Variants in BTRC observed in about 807,000 individuals in gnomAD.
The protein encoded by BTRC is F-box/WD repeat-containing protein 1A.
Under a neutral mutation model 85.5 loss-of-function variants are expected in BTRC, and 42 were observed. The observed-to-expected ratio is 0.49, with a 90% CI of 0.38 to 0.64. The LOEUF (loss-of-function observed/expected upper bound fraction) is 0.64. Ranked by LOEUF, BTRC falls within the 30% of genes least tolerant of loss-of-function variation. BTRC has a pLI of 0.00. For missense variants in BTRC, 594 were observed against 743.5 expected, an observed-to-expected ratio of 0.80 and a Z score of 2.34; for synonymous variants, 255 against 263.3, an observed-to-expected ratio of 0.97 and a Z score of 0.30.
chr10:101,455,857 AATGG>A (rs1945061572), intron 2 of BTRC, among the ~76,000 whole-genome samples: 1 of 152,132 alleles, frequency 6.6e-6, no homozygotes, highest in Non-Finnish European at 1.5e-5. Flanking sequence ...TGATGATTCT[AATGG>A]CCGGGCATGG....
intron 2 of BTRC, among the ~76,000 whole-genome samples, chr10:101,453,772 T>C (rs1945007455): frequency 6.6e-6 from 1 of 152,246 alleles, no homozygotes; most frequent in Admixed American, 6.5e-5. Flanking sequence ...CTTTACTTCT[T>C]GAATTGGACA....
intron 5 of BTRC, among the ~76,000 whole-genome samples, chr10:101,524,360 A>G (rs2062160989): frequency 6.6e-6 from 1 of 152,176 alleles, no homozygotes; most frequent in Non-Finnish European, 1.5e-5. Flanking sequence ...AGCTTATACC[A>G]CTAAGAATTG....
chr10:101,534,653 A>T lies in BTRC; in HGVS notation c.1098-8A>T. The T allele has an allele frequency of 6.2e-7, 1 of 1,614,048 alleles. No individual in the cohort carries two copies. Among genetic ancestry groups the T allele is most frequent in the African/African-American group, 1.3e-5 (1 of 75,050 alleles). ...GAGTACCATCTAAATCTCATCTATC[A>T]CTTCCAGAGTGTGGGATGTAAATAC... On this transcript the variant is annotated splice_polypyrimidine_tract_variant and splice_region_variant and intron_variant, in intron 9 of 14. Transcript: ENST00000370187.
rs34480405 is a variant in BTRC at position 101,389,610 on chromosome 10, CTTTTTTTTTT to C, written c.48+35400_48+35409del. 1.9e-4 allele frequency among the ~76,000 whole-genome samples: 12 copies of C among 62,546 alleles called. 1 individual carries two copies. The highest frequency in any genetic ancestry group is 7.9e-4 in the African/African-American group (12 of 15,220). The allele number at this position is 62,546 out of a possible 152,430, so 41.0% of individuals were successfully genotyped here. ...GTTACACTGGCCTTTTGCCAAACAC[CTTTTTTTTTT>C]TTTTTTTTTTTTTTTTTGAGACAGG... On this transcript the variant is annotated intron_variant, in intron 1 of 14. Coordinates refer to ENST00000370187, the MANE Select transcript of BTRC (RefSeq NM_033637.4).
chr10:101,392,177 A>G (rs774899846), intron 1 of BTRC, among the ~76,000 whole-genome samples: 2 of 152,090 alleles, frequency 1.3e-5, no homozygotes, highest in South Asian at 4.2e-4. Flanking sequence ...ACTGGGTTTC[A>G]CCATGTTGGT....
At chr10:101,429,031 A>G (rs1944331032) in intron 1 of BTRC, among the ~76,000 whole-genome samples, 1 of 152,200 alleles carries the variant, frequency 6.6e-6, no homozygotes, top group Admixed American at 6.5e-5. Context: ...TCCCAATATT[A>G]CTTTCTACAA....
chr10:101,473,088 A>G (rs1057045937), intron 3 of BTRC, among the ~76,000 whole-genome samples: 3 of 151,264 alleles, frequency 2.0e-5, no homozygotes, highest in Non-Finnish European at 4.4e-5. Context: ...AGCCACGCAT[A>G]TATTCTAGAT....
intron 1 of BTRC, among the ~76,000 whole-genome samples, chr10:101,356,062 A>G (rs1412959171): frequency 1.3e-5 from 2 of 152,072 alleles, no homozygotes; most frequent in South Asian, 2.1e-4. Flanking sequence ...TTTGTCGCCC[A>G]GGCTGGAGTG....
intron 1 of BTRC, among the ~76,000 whole-genome samples, chr10:101,401,283 T>A (rs1030410824): frequency 1.3e-5 from 2 of 152,190 alleles, no homozygotes; most frequent in African/African-American, 4.8e-5. Flanking sequence ...GAATGAGCAT[T>A]CAAAAATACA....
At chr10:101,552,914 T>A (rs1239777735) in intron 14 of BTRC, among the ~76,000 whole-genome samples, 1 of 151,924 alleles carries the variant, frequency 6.6e-6, no homozygotes, top group Non-Finnish European at 1.5e-5. Flanking sequence ...GACATCAGAG[T>A]CACTCTGCTT....
chr10:101,377,619 C>G (rs1942824383), intron 1 of BTRC, among the ~76,000 whole-genome samples: 1 of 152,168 alleles, frequency 6.6e-6, no homozygotes, highest in South Asian at 2.1e-4. Context: ...TTGTATTTCC[C>G]TAATGCATTC....
At chr10:101,493,266 A>C (rs1192650935) in intron 4 of BTRC, among the ~76,000 whole-genome samples, 1 of 152,260 alleles carries the variant, frequency 6.6e-6, no homozygotes, top group African/African-American at 2.4e-5. Context: ...TAAAATCCAA[A>C]GATTTTGTCA....
chr10:101,419,360 G>A (rs1944036069), intron 1 of BTRC, among the ~76,000 whole-genome samples: 1 of 152,108 alleles, frequency 6.6e-6, no homozygotes, highest in African/African-American at 2.4e-5. Context: ...GCTGACCTGG[G>A]CCTTCTGCTT....
At chr10:101,508,056 T>G (rs1946587695) in intron 4 of BTRC, among the ~76,000 whole-genome samples, 1 of 152,252 alleles carries the variant, frequency 6.6e-6, no homozygotes, top group Admixed American at 6.5e-5. Flanking sequence ...AGCTTGAGTT[T>G]CAGTTTTGAA....
At chr10:101,368,262 G>A (rs986597046) in intron 1 of BTRC, among the ~76,000 whole-genome samples, 4 of 152,108 alleles carry the variant, frequency 2.6e-5, no homozygotes, top group African/African-American at 9.7e-5. Flanking sequence ...TGCACATGCA[G>A]CTCCTCTTCG....
intron 1 of BTRC, among the ~76,000 whole-genome samples, chr10:101,372,101 T>A (rs983966622): frequency 6.4e-4 from 97 of 152,244 alleles, no homozygotes; most frequent in African/African-American, 2.2e-3. Flanking sequence ...TCTCAGTAGC[T>A]CCATTGGTCT....
intron 4 of BTRC, among the ~76,000 whole-genome samples, chr10:101,491,964 T>C (rs1946145208): frequency 6.6e-6 from 1 of 152,014 alleles, no homozygotes; most frequent in Non-Finnish European, 1.5e-5. Flanking sequence ...TGTGTAGTTG[T>C]TGTTGTTTTT....
At chr10:101,429,401 T>C (rs1342572440) in intron 1 of BTRC, among the ~76,000 whole-genome samples, 1 of 152,104 alleles carries the variant, frequency 6.6e-6, no homozygotes, top group Admixed American at 6.5e-5. Context: ...ATATACCATA[T>C]GTATTATATA....
intron 1 of BTRC, among the ~76,000 whole-genome samples, chr10:101,359,590 GCTAA>G (rs942847811): frequency 2.7e-5 from 4 of 146,098 alleles, no homozygotes; most frequent in Non-Finnish European, 6.1e-5. Context: ...ACCTTGCCTG[GCTAA>G]TTTTGTTGTA....
Sources: gnomAD v4.1 joint callset for allele counts (sites outside exome capture counted in the v4.1 genomes callset) on GRCh38, gnomAD v4.1.1 for gene constraint, MANE v1.5 for transcripts, NCBI Gene and HGNC (gene_info 2026-07-23, HGNC 2026-07-21) for gene names.